The following OTUD5 variants were observed in gnomAD, a reference collection of about 807,000 sequenced individuals.
The protein encoded by OTUD5 is OTU deubiquitinase 5.
Under a neutral mutation model 36.3 loss-of-function variants are expected in OTUD5, and 2 were observed. That is an observed-to-expected ratio of 0.06 (90% confidence interval 0.02 to 0.17). The LOEUF (loss-of-function observed/expected upper bound fraction) is 0.17. Among genes scored for constraint, OTUD5 ranks in the 10% least tolerant of loss-of-function variants. The pLI is 1.00. For synonymous variants in OTUD5, 234 were observed against 214.9 expected, an observed-to-expected ratio of 1.09 and a Z score of -0.78; for missense variants, 233 against 512.3, an observed-to-expected ratio of 0.45 and a Z score of 5.26.
chrX:48,925,715 GT>G (rs1385536018), intron 6 of OTUD5, 131 bp downstream of exon 6: 3 of 507,535 alleles, frequency 5.9e-6, no homozygotes, highest in Non-Finnish European at 1.0e-5. Flanking sequence ...ACCAAGATGA[GT>G]TACAGATGGT....
chrX:48,957,011 C>A lies in OTUD5; in HGVS notation c.560G>T (p.Arg187Leu), dbSNP rs782152325. 8.4e-7 allele frequency: 1 copy of A among 1,196,498 alleles called. No homozygotes were observed. ...AGTGGCAGGGTCCATAGCCTCGATG[C>A]GTGCTGCAGCCGCCTCATACTCGTC... is the stretch of plus-strand genomic sequence containing the variant. ...SEDEYEAAAA[R>L]IEAMDPATVE... Residue 187 changes from arginine (R) to leucine (L), a missense_variant, in exon 1 of 9, where the codon CGC (arginine) becomes CTC (leucine). By Grantham distance (102) the Arg-to-Leu change is moderately radical (BLOSUM62 -2). Coordinates refer to ENST00000376488, the MANE Select transcript of OTUD5 (RefSeq NM_001136157.2).
chrX:48,927,130 G>A lies in OTUD5; in HGVS notation c.1060-1080C>T, dbSNP rs782567958. 3.6e-4 allele frequency among the ~76,000 whole-genome samples: 40 copies of A among 111,556 alleles called. 1 individual carries two copies. The South Asian group carries it at 0.014, about 39-fold the overall frequency. On this transcript the variant is annotated intron_variant, in intron 5 of 8. Coordinates refer to ENST00000376488, the MANE Select transcript of OTUD5 (RefSeq NM_001136157.2). ...TACTGTGAATAGTTAAAAACAATTC[G>A]TAAAACTATGTTAGAACAAGCCAAT... is the stretch of plus-strand genomic sequence containing the variant.
At chrX:48,941,493 T>G (rs1198200985) in intron 2 of OTUD5, among the ~76,000 whole-genome samples, 1 of 98,231 alleles carries the variant, frequency 1.0e-5, no homozygotes, top group Non-Finnish European at 2.0e-5. Context: ...TTTGGACACC[T>G]CTGGGTTCCC....
chrX:48,927,404 C>G (rs1271408229), intron 5 of OTUD5, among the ~76,000 whole-genome samples: 1 of 111,762 alleles, frequency 8.9e-6, no homozygotes, highest in Non-Finnish European at 1.9e-5. Flanking sequence ...TCCCCCCAAC[C>G]CCCTTCGAAC....
chrX:48,926,113 C>A, intron 5 of OTUD5, 63 bp from the exon 6 acceptor site: 2 of 966,921 alleles, frequency 2.1e-6, no homozygotes, highest in South Asian at 2.0e-5. Flanking sequence ...AGAGCCAGAA[C>A]AGGCTCAGCG....
rs1557049633 is a variant in OTUD5, at chrX:48,935,030, G to A, written c.689-12C>T. 2 of 1,201,451 alleles carry A rather than the reference G, an allele frequency of 1.7e-6. No individual in the cohort carries two copies. The highest frequency in any genetic ancestry group is 4.4e-5 in the Admixed American group (2 of 45,797). On this transcript the variant is annotated splice_polypyrimidine_tract_variant and intron_variant, in intron 2 of 8. Coordinates refer to ENST00000376488, the MANE Select transcript of OTUD5 (RefSeq NM_001136157.2). ...ATACACCTGGTCAGCTGTGGGGGCA[G>A]AAGAAAGCAGCAGCTAGGGTCAGAG...
At chrX:48,945,880 C>T (rs2064019491) in intron 1 of OTUD5, among the ~76,000 whole-genome samples, 2 of 110,646 alleles carry the variant, frequency 1.8e-5, no homozygotes, top group Admixed American at 1.9e-4. Context: ...CCTCTTAAAA[C>T]ATAATTTTCA....
rs782289145 is a variant in OTUD5, at chrX:48,956,987, G to A, written c.584C>T (p.Thr195Ile). ...CCCCACAGCTCTTACCTGCTCGACA[G>A]TGGCAGGGTCCATAGCCTCGATGCG... ...AARIEAMDPA[T>I]VEQQEHWFEK... Residue 195 changes from threonine (T) to isoleucine (I), a missense_variant, in exon 1 of 9, where the codon ACT (threonine) becomes ATT (isoleucine). Physicochemically the swap from Thr to Ile is moderately conservative, Grantham distance 89. This residue lies in a region of OTUD5 where 155 missense variants were observed against 217.2 expected (regional missense o/e 0.71). Transcript: ENST00000376488. 2 of 1,182,153 alleles carry A rather than the reference G, an allele frequency of 1.7e-6. No homozygotes were observed. The highest frequency in any genetic ancestry group is 4.6e-5 in the Admixed American group (2 of 43,060).
At chrX:48,948,620 A>G (rs1269427224) in intron 1 of OTUD5, among the ~76,000 whole-genome samples, 2 of 110,351 alleles carry the variant, frequency 1.8e-5, no homozygotes, top group African/African-American at 6.6e-5. Flanking sequence ...TAGAGGCTGG[A>G]CTGCTAGCCA....
chrX:48,958,047 A>T (rs185180450), upstream of OTUD5, among the ~76,000 whole-genome samples: 473 of 112,927 alleles, frequency 4.2e-3, no homozygotes, highest in South Asian at 0.017. Context: ...CGCCACAACA[A>T]TTGCAACACC....
At chrX:48,943,912 GGGGA>G (rs1557051713) in intron 2 of OTUD5, among the ~76,000 whole-genome samples, 11 of 112,101 alleles carry the variant, frequency 9.8e-5, no homozygotes, top group Non-Finnish European at 1.9e-4. Flanking sequence ...CTAGCTTAGA[GGGGA>G]ATCAAAGAGG....
In OTUD5 at chrX:48,922,842, C is replaced by T. The variant is rs1557046574; in HGVS notation, c.*332G>A. 4 of 833,785 alleles carry T rather than the reference C, an allele frequency of 4.8e-6. No homozygotes were observed. The East Asian group carries it at 2.5e-4, about 52-fold the overall frequency. 68.7% of individuals were successfully genotyped at this position (833,785 alleles called of 1,213,427 possible). ...GTCTGAATGTCTCTCTCCTCTGGGGCTGCCTGGCTGCCAGTTGGTCTGTCT... is the reference window on the plus strand; with the variant it reads ...GTCTGAATGTCTCTCTCCTCTGGGGTTGCCTGGCTGCCAGTTGGTCTGTCT... On this transcript the variant is annotated 3_prime_UTR_variant, in exon 9 of 9. Coordinates refer to ENST00000376488, the MANE Select transcript of OTUD5 (RefSeq NM_001136157.2).
intron 5 of OTUD5, among the ~76,000 whole-genome samples, chrX:48,926,389 C>T (rs1443035003): frequency 9.2e-6 from 1 of 108,211 alleles, no homozygotes; most frequent in Non-Finnish European, 1.9e-5. Context: ...ATCGCTCTGT[C>T]GCCCAGGCTG....
At position 48,922,456 on chromosome X, in the gene OTUD5, C is replaced by T. The variant is rs899511750; in HGVS notation, c.*718G>A. The T allele has an allele frequency of 3.1e-5, 21 of 686,945 alleles. No homozygotes were observed. The South Asian group carries it at 3.8e-4, about 12-fold the overall frequency. The allele number at this position is 686,945 out of a possible 1,213,427, so 56.6% of individuals were successfully genotyped here. A position where few individuals can be genotyped will look rare whatever the true frequency, so the allele number is the denominator to read the frequency against. On this transcript the variant is annotated 3_prime_UTR_variant, in exon 9 of 9. Transcript: ENST00000376488. ...TTGTCCAAGCCGGCCTGACACCTGCCGCCCTGCCCTTGCCCAGTGCACACC... is the reference window on the plus strand; with the variant it reads ...TTGTCCAAGCCGGCCTGACACCTGCTGCCCTGCCCTTGCCCAGTGCACACC...
At chrX:48,935,892 T>A (rs782254987) in intron 2 of OTUD5, among the ~76,000 whole-genome samples, 3 of 90,830 alleles carry the variant, frequency 3.3e-5, no homozygotes, top group South Asian at 1.1e-3. Context: ...TGAGCCGAGA[T>A]CATGCCACTG....
At chrX:48,943,310 T>G (rs1557051558) in intron 2 of OTUD5, among the ~76,000 whole-genome samples, 2 of 111,987 alleles carry the variant, frequency 1.8e-5, no homozygotes, top group Non-Finnish European at 3.8e-5. Flanking sequence ...TAACTCAGAC[T>G]GGATAACAGA....
intron 1 of OTUD5, among the ~76,000 whole-genome samples, chrX:48,947,436 T>G (rs1431170340): frequency 1.9e-5 from 2 of 107,985 alleles, no homozygotes; most frequent in East Asian, 5.9e-4. Flanking sequence ...GGCACGGTGG[T>G]TCACACCTGT....
intron 8 of OTUD5, 52 bp downstream of exon 8, chrX:48,923,581 A>C: frequency 1.1e-6 from 1 of 920,588 alleles, no homozygotes; most frequent in Non-Finnish European, 1.5e-6. Flanking sequence ...CACTTCTTCC[A>C]GTCTCTCCCA....
At chrX:48,926,242 G>C (rs1411265375) in intron 5 of OTUD5, among the ~76,000 whole-genome samples, 192 bp from the exon 6 acceptor site, 1 of 111,262 alleles carries the variant, frequency 9.0e-6, no homozygotes, top group Non-Finnish European at 1.9e-5. Flanking sequence ...TGGGATGTGG[G>C]ACCTGTCATT....
Sources: allele counts gnomAD v4.1 joint callset (sites outside exome capture counted in the v4.1 genomes callset), GRCh38; gene constraint gnomAD v4.1.1; regional missense constraint gnomAD v4.1.1; transcripts MANE v1.5; gene names NCBI Gene and HGNC (gene_info 2026-07-23, HGNC 2026-07-21).